ZBTB20: variants seen among roughly 807,000 people sequenced by gnomAD.
ZBTB20 encodes zinc finger and BTB domain-containing protein 20.
ZBTB20 carries 9 observed loss-of-function variants against 56.9 expected under a neutral mutation model. The observed-to-expected ratio is 0.16, with a 90% CI of 0.10 to 0.28. The LOEUF is 0.28. ZBTB20 is among the 10% of genes least tolerant of loss of function. The probability of loss-of-function intolerance (pLI) is 1.00; values close to 1 mark genes in which losing one functional copy is unlikely to be tolerated. For synonymous variants in ZBTB20, 417 were observed against 420.7 expected (o/e 0.99, Z 0.11); for missense variants, 655 against 1,003.0 (o/e 0.65, Z 4.69).
At chr3:114,739,150 C>T (rs972682319) in intron 5 of ZBTB20, among the ~76,000 whole-genome samples, 3 of 152,048 alleles carry the variant, frequency 2.0e-5, no homozygotes, top group Admixed American at 2.0e-4. Context: ...AGAGGTGCTG[C>T]TATAATGAAA....
chr3:114,502,629 A>G (rs1262938111), intron 6 of ZBTB20, among the ~76,000 whole-genome samples: 1 of 152,230 alleles, frequency 6.6e-6, no homozygotes, highest in Non-Finnish European at 1.5e-5. Context: ...TGAAATATAT[A>G]TATAACACTG....
chr3:114,888,266 T>A lies in ZBTB20; in HGVS notation c.-417+12038A>T, dbSNP rs1576233804. On this transcript the variant is annotated intron_variant, in intron 4 of 11. Coordinates refer to ENST00000675478, the MANE Select transcript of ZBTB20 (RefSeq NM_001348800.3). The stretch of plus-strand genomic sequence containing the variant: ...GACCCCCATTTCTACAAAAAAAAAA[T>A]TTAAACATCTGCTGAGCATGGTGGT... 2.0e-5 allele frequency among the ~76,000 whole-genome samples: 3 copies of A among 150,880 alleles called. No homozygotes were observed. In the South Asian group the frequency reaches 6.3e-4, roughly 32 times the overall value.
intron 7 of ZBTB20, among the ~76,000 whole-genome samples, chr3:114,392,598 C>T (rs1244127349): frequency 6.6e-6 from 1 of 152,188 alleles, no homozygotes; most frequent in East Asian, 1.9e-4. Context: ...AAACTATTGG[C>T]AATCTGCTAT....
intron 4 of ZBTB20, among the ~76,000 whole-genome samples, chr3:114,890,558 A>G (rs1289758891): frequency 1.3e-5 from 2 of 152,130 alleles, no homozygotes; most frequent in South Asian, 4.1e-4. Flanking sequence ...CAATGAGAAC[A>G]CTTGGACACA....
intron 4 of ZBTB20, among the ~76,000 whole-genome samples, chr3:114,850,485 C>A (rs2074945131): frequency 6.6e-6 from 1 of 152,138 alleles, no homozygotes; most frequent in African/African-American, 2.4e-5. Context: ...TATGTATACA[C>A]CCATTTAACC....
At chr3:114,688,740 C>A (rs924391325) in intron 6 of ZBTB20, among the ~76,000 whole-genome samples, 1 of 152,126 alleles carries the variant, frequency 6.6e-6, no homozygotes, top group South Asian at 2.1e-4. Flanking sequence ...TTATAAGAGT[C>A]TTTAAACTTA....
At chr3:114,429,716 A>G (rs1424542729) in intron 7 of ZBTB20, among the ~76,000 whole-genome samples, 1 of 152,212 alleles carries the variant, frequency 6.6e-6, no homozygotes, top group Non-Finnish European at 1.5e-5. Flanking sequence ...AAAAACCTCC[A>G]ATAAAAAATA....
intron 6 of ZBTB20, among the ~76,000 whole-genome samples, chr3:114,612,273 G>A (rs892049709): frequency 1.3e-5 from 2 of 152,026 alleles, no homozygotes; most frequent in Non-Finnish European, 2.9e-5. Context: ...ACTACCTTTC[G>A]TTATTGCTCA....
rs116267102 is a variant in ZBTB20, at chr3:114,710,479, T to C, written c.-342-16904A>G. On this transcript the variant is annotated intron_variant, in intron 5 of 11. Coordinates refer to ENST00000675478, the MANE Select transcript of ZBTB20 (RefSeq NM_001348800.3). ...CAATACTAACTCATAATCATCTCTTTCCCAAATCTGCTCATTTCTCCATAT... is the reference window on the plus strand; with the variant it reads ...CAATACTAACTCATAATCATCTCTTCCCCAAATCTGCTCATTTCTCCATAT... Among the ~76,000 whole-genome samples the C allele has an allele frequency of 8.1e-3, 1,239 of 152,296 alleles. 12 individuals are homozygous for C. The highest frequency in any genetic ancestry group is 0.027 in the African/African-American group (1,127 of 41,566).
chr3:114,843,398 A>C (rs918858260), intron 4 of ZBTB20, among the ~76,000 whole-genome samples: 1 of 152,176 alleles, frequency 6.6e-6, no homozygotes, highest in African/African-American at 2.4e-5. Context: ...TATTATCTCC[A>C]TTATACAGTA....
chr3:114,738,529 G>C (rs897224349), intron 5 of ZBTB20, among the ~76,000 whole-genome samples: 1 of 152,142 alleles, frequency 6.6e-6, no homozygotes, highest in African/African-American at 2.4e-5. Flanking sequence ...TACCCTTATA[G>C]ATTCAAGGGT....
At position 114,336,065 on chromosome 3, in the gene ZBTB20, T is replaced by C. The variant is rs969994274; in HGVS notation, c.*2940A>G. 1 of 152,258 alleles carries C rather than the reference T, an allele frequency of 6.6e-6. No homozygotes were observed. The highest frequency in any genetic ancestry group is 1.5e-5 in the Non-Finnish European group (1 of 68,038). The allele number at this position is 152,258 out of a possible 1,614,324, so 9.4% of individuals were successfully genotyped here. A position where few individuals can be genotyped will look rare whatever the true frequency, so the allele number is the denominator to read the frequency against. On this transcript the variant is annotated 3_prime_UTR_variant, in exon 12 of 12. Transcript: ENST00000675478. ...TTTCAGGCGGTATTAGTGAAAATTCTTCCTACTTTGCTAAATTTGAACAAA... is the reference window on the plus strand; with the variant it reads ...TTTCAGGCGGTATTAGTGAAAATTCCTCCTACTTTGCTAAATTTGAACAAA...
intron 1 of ZBTB20, among the ~76,000 whole-genome samples, chr3:115,112,378 A>G (rs1459082733): frequency 2.6e-5 from 4 of 151,906 alleles, no homozygotes; most frequent in African/African-American, 9.7e-5. Context: ...AACTACAGTC[A>G]CCCTACTCTG....
intron 3 of ZBTB20, among the ~76,000 whole-genome samples, chr3:114,940,403 T>C (rs1361337790): frequency 1.4e-5 from 2 of 145,730 alleles, no homozygotes; most frequent in Non-Finnish European, 2.9e-5. Context: ...TTTTTTTTTT[T>C]TTGGAAAGTA....
chr3:114,500,908 G>A (rs2043873264), intron 6 of ZBTB20, among the ~76,000 whole-genome samples: 1 of 152,176 alleles, frequency 6.6e-6, no homozygotes, highest in Non-Finnish European at 1.5e-5. Context: ...CTATTGGGCA[G>A]CACTGACTAG....
intron 6 of ZBTB20, among the ~76,000 whole-genome samples, chr3:114,579,650 T>C (rs1475883341): frequency 6.6e-6 from 1 of 151,186 alleles, no homozygotes; most frequent in Non-Finnish European, 1.5e-5. Flanking sequence ...AGCCAGTTTT[T>C]GTAAAGAAGT....
intron 6 of ZBTB20, among the ~76,000 whole-genome samples, chr3:114,577,440 G>C (rs955293247): frequency 1.3e-5 from 2 of 152,102 alleles, no homozygotes; most frequent in African/African-American, 2.4e-5. Flanking sequence ...TATTGTCCAA[G>C]ATGTATTGTT....
intron 5 of ZBTB20, among the ~76,000 whole-genome samples, chr3:114,793,982 A>C (rs2071169318): frequency 6.6e-6 from 1 of 151,792 alleles, no homozygotes; most frequent in Non-Finnish European, 1.5e-5. Context: ...GCTATTAGAG[A>C]ACTAATGACC....
At chr3:114,669,988 A>T (rs946925562) in intron 6 of ZBTB20, among the ~76,000 whole-genome samples, 4 of 152,042 alleles carry the variant, frequency 2.6e-5, no homozygotes, top group Admixed American at 6.6e-5. Flanking sequence ...AATCAAGAAA[A>T]TTTTTTCTGA....
Sources: gnomAD v4.1 joint callset for allele counts (sites outside exome capture counted in the v4.1 genomes callset) on GRCh38, gnomAD v4.1.1 for gene constraint, MANE v1.5 for transcripts, NCBI Gene and HGNC (gene_info 2026-07-23, HGNC 2026-07-21) for gene names.